MAP2K3: variants seen among roughly 807,000 people sequenced by gnomAD.
The protein encoded by MAP2K3 is dual specificity mitogen-activated protein kinase kinase 3.
In MAP2K3, 30 loss-of-function variants were observed where a neutral mutation model predicts 46.4. That is an observed-to-expected ratio of 0.65 (90% confidence interval 0.48 to 0.88). The LOEUF is 0.88. MAP2K3 is among the 40% of genes least tolerant of loss of function. The pLI is 0.00. For missense variants in MAP2K3, 380 were observed against 464.5 expected, an observed-to-expected ratio of 0.82 and a Z score of 1.67; for synonymous variants, 189 against 176.3, an observed-to-expected ratio of 1.07 and a Z score of -0.57.
Position 21,298,477 on chromosome 17 carries a change from C to A in MAP2K3, c.114C>A (p.Pro38=). Reference sequence around the variant, plus strand: ...TGTCCAAGCCACCCGCACCCAACCCCACGTGAGTCTGCCTCAGTTTCTCCC... The same window carrying A: ...TGTCCAAGCCACCCGCACCCAACCCAACGTGAGTCTGCCTCAGTTTCTCCC... ...SCMSKPPAPN[P]TPPRNLDSRT... is the part of the protein sequence containing the mutation. The change falls in exon 2 of 12, where the codon CCC becomes CCA. Residue 38 remains proline (P), a splice_region_variant and synonymous_variant. Transcript: ENST00000342679. 6.2e-7 allele frequency: 1 copy of A among 1,614,320 alleles called. No individual in the cohort carries two copies. The highest frequency in any genetic ancestry group is 2.2e-5 in the East Asian group (1 of 44,896).
Position 21,303,321 on chromosome 17 carries a change from T to A in MAP2K3, c.568+87T>A, listed in dbSNP as rs543447367. The A allele has an allele frequency of 1.1e-4, 179 of 1,574,850 alleles. No individual in the cohort carries two copies. In the South Asian group the frequency reaches 1.6e-3, roughly 14 times the overall value. On this transcript the variant is annotated intron_variant, in intron 7 of 11. Coordinates refer to ENST00000342679, the MANE Select transcript of MAP2K3 (RefSeq NM_145109.3). Reference sequence around the variant, plus strand: ...GGGTGGACGTCTCCCTATGAGCAACTGTGGCTCCGAGAGGTGATAGGTTGT... The same window carrying A: ...GGGTGGACGTCTCCCTATGAGCAACAGTGGCTCCGAGAGGTGATAGGTTGT...
intron 9 of MAP2K3, among the ~76,000 whole-genome samples, chr17:21,306,142 C>T (rs1976882033): frequency 6.6e-6 from 1 of 152,252 alleles, no homozygotes; most frequent in African/African-American, 2.4e-5. Context: ...TTCGCACAGA[C>T]CCCACAGGTT....
chr17:21,311,512 C>T (rs959244243), intron 9 of MAP2K3, among the ~76,000 whole-genome samples: 3 of 152,130 alleles, frequency 2.0e-5, no homozygotes, highest in Non-Finnish European at 4.4e-5. Flanking sequence ...AGGAGGGAAA[C>T]TGCTGGGGCC....
chr17:21,292,134 T>TG (rs1975973186), intron 1 of MAP2K3, among the ~76,000 whole-genome samples: 1 of 151,914 alleles, frequency 6.6e-6, no homozygotes, highest in Non-Finnish European at 1.5e-5. Flanking sequence ...GGACAGTCTC[T>TG]GGGGCACCCT....
At chr17:21,285,193 C>T (rs1348497336) in intron 1 of MAP2K3, 2 of 970,250 alleles carry the variant, frequency 2.1e-6, no homozygotes, top group African/African-American at 3.5e-5. Flanking sequence ...CCGAGATCAC[C>T]CAGGCTGGAC....
intron 1 of MAP2K3, among the ~76,000 whole-genome samples, chr17:21,285,886 G>A (rs1042818528): frequency 2.8e-5 from 4 of 143,024 alleles, no homozygotes; most frequent in Middle Eastern, 3.5e-3. Context: ...GAAACTCGGA[G>A]GGCAAAAGGG....
intron 5 of MAP2K3, among the ~76,000 whole-genome samples, chr17:21,301,589 C>G (rs1417485832): frequency 6.6e-6 from 1 of 152,312 alleles, no homozygotes; most frequent in African/African-American, 2.4e-5. Context: ...AGGGCTGCTT[C>G]ACCTGTCCTC....
chr17:21,297,950 G>C (rs1326243531), intron 1 of MAP2K3, among the ~76,000 whole-genome samples: 5 of 152,304 alleles, frequency 3.3e-5, no homozygotes, highest in African/African-American at 1.2e-4. Flanking sequence ...CTTTCTGGGG[G>C]CCTGGCCTTC....
At chr17:21,300,816 TGA>T (rs1266384737) in intron 4 of MAP2K3, 56 bp from the exon 5 acceptor site, 1 of 1,613,094 alleles carries the variant, frequency 6.2e-7, no homozygotes, top group African/African-American at 1.3e-5. Flanking sequence ...CCTCCTGTCA[TGA>T]GTGTGGGTGT....
At position 21,314,411 on chromosome 17, in the gene MAP2K3, C is replaced by A. The variant is rs916883693; in HGVS notation, c.*181C>A. 4 of 614,996 alleles carry A rather than the reference C, an allele frequency of 6.5e-6. No homozygotes were observed. The Admixed American group carries it at 8.3e-5, about 13-fold the overall frequency. The allele number at this position is 614,996 out of a possible 1,614,324, so 38.1% of individuals were successfully genotyped here. ...TTGTCCCAAGTGCCAAAGAAGCAGA[C>A]CATTGGGGCTCCCAGCCAGGCCCTT... On this transcript the variant is annotated 3_prime_UTR_variant, in exon 12 of 12. Transcript: ENST00000342679.
intron 4 of MAP2K3, 85 bp downstream of exon 4, chr17:21,300,743 G>T: frequency 6.2e-7 from 1 of 1,603,572 alleles, no homozygotes. Flanking sequence ...ATCCCTCTCA[G>T]TGATCAGTAC....
chr17:21,300,192 G>A (rs1173458914), intron 3 of MAP2K3, among the ~76,000 whole-genome samples: 1 of 152,310 alleles, frequency 6.6e-6, no homozygotes, highest in African/African-American at 2.4e-5. Context: ...TGGATGCTTG[G>A]TAAACAGTTT....
At chr17:21,286,916 A>G (rs1038735351) in intron 1 of MAP2K3, among the ~76,000 whole-genome samples, 6 of 152,200 alleles carry the variant, frequency 3.9e-5, no homozygotes, top group Admixed American at 6.5e-5. Context: ...CAGAGCCACA[A>G]TGCCCTTCAC....
intron 9 of MAP2K3, among the ~76,000 whole-genome samples, chr17:21,306,201 A>G (rs1405624907): frequency 1.3e-5 from 2 of 152,224 alleles, no homozygotes; most frequent in African/African-American, 2.4e-5. Context: ...ACCAGTTGGA[A>G]GTAGCGGGTC....
chr17:21,303,250 C>A lies in MAP2K3; in HGVS notation c.568+16C>A. The A allele has an allele frequency of 6.2e-7, 1 of 1,613,720 alleles. No homozygotes were observed. The highest frequency in any genetic ancestry group is 8.5e-7 in the Non-Finnish European group (1 of 1,179,990). On this transcript the variant is annotated intron_variant, in intron 7 of 11. Transcript: ENST00000342679. ...ATCCACAGAGGTCAGTGCCCGGCAG[C>A]CACCCAGGCACGGTGTAGCCAGTGG...
At position 21,300,908 on chromosome 17, in the gene MAP2K3, A is replaced by G. The variant is rs1976559598; in HGVS notation, c.314A>G (p.Lys105Arg). 1 of 1,614,108 alleles carries G rather than the reference A, an allele frequency of 6.2e-7. No individual in the cohort carries two copies. Among genetic ancestry groups the G allele is most frequent in the East Asian group, 2.2e-5 (1 of 44,906 alleles). Residue 105 changes from lysine (K) to arginine (R), a missense_variant, in exon 5 of 12, where the codon AAG (lysine) becomes AGG (arginine). Transcript: ENST00000342679. ...GCCACCGTGAACTCACAGGAGCAGA[A>G]GCGGCTGCTCATGGACCTGGACATC... ...IRATVNSQEQKRLLMDLDINM... is the reference protein window; with the variant it reads ...IRATVNSQEQRRLLMDLDINM...
chr17:21,298,452 T>C lies in MAP2K3; in HGVS notation c.89T>C (p.Met30Thr). The change falls in exon 2 of 12, where the codon ATG (methionine) becomes ACG (threonine). Residue 30 changes from methionine to threonine, a missense_variant. Physicochemically the swap from Met to Thr is moderately conservative, Grantham distance 81 (BLOSUM62 -1). Coordinates refer to ENST00000342679, the MANE Select transcript of MAP2K3 (RefSeq NM_145109.3). The stretch of plus-strand genomic sequence containing the variant: ...AAGAAGGATCTACGGATATCCTGCA[T>C]GTCCAAGCCACCCGCACCCAACCCC... ...KRKKDLRISC[M>T]SKPPAPNPTP... is the part of the protein sequence containing the mutation. The C allele has an allele frequency of 1.9e-6, 3 of 1,614,310 alleles. No individual in the cohort carries two copies. The highest frequency in any genetic ancestry group is 2.5e-6 in the Non-Finnish European group (3 of 1,180,052).
At chr17:21,298,756 A>T in intron 2 of MAP2K3, 122 bp from the exon 3 acceptor site, 5 of 1,444,178 alleles carry the variant, frequency 3.5e-6, no homozygotes, top group Non-Finnish European at 4.8e-6. Flanking sequence ...TGGCCGGAGA[A>T]GGCGCCTCCG....
intron 1 of MAP2K3, among the ~76,000 whole-genome samples, chr17:21,290,210 TG>T (rs1975848896): frequency 1.3e-5 from 2 of 152,188 alleles, no homozygotes; most frequent in South Asian, 4.2e-4. Flanking sequence ...AGGAGGTGTG[TG>T]GGGGCTGGGG....
Sources: allele counts gnomAD v4.1 joint callset (sites outside exome capture counted in the v4.1 genomes callset), GRCh38; gene constraint gnomAD v4.1.1; transcripts MANE v1.5; gene names NCBI Gene and HGNC (gene_info 2026-07-23, HGNC 2026-07-21).